Variants in PCDH11X observed in about 807,000 individuals in gnomAD.
PCDH11X encodes the protein protocadherin-11 X-linked.
PCDH11X carries 18 observed loss-of-function variants against 53.3 expected under a neutral mutation model. That is an observed-to-expected ratio of 0.34 (90% CI 0.23 to 0.50). PCDH11X has a LOEUF of 0.50. Ranked by LOEUF, PCDH11X falls within the 20% of genes least tolerant of loss-of-function variation. The pLI is 0.98. For synonymous variants in PCDH11X, 279 were observed against 393.3 expected (o/e 0.71, Z 3.44); for missense variants, 570 against 1,032.4 (o/e 0.55, Z 6.14).
At chrX:92,326,360 G>A (rs1391978965) in intron 8 of PCDH11X, among the ~76,000 whole-genome samples, 2 of 105,491 alleles carry the variant, frequency 1.9e-5, no homozygotes, top group East Asian at 3.1e-4. Context: ...TTATGACCTG[G>A]CATTGAAATT....
chrX:92,303,685 C>T (rs1239293877), intron 8 of PCDH11X, among the ~76,000 whole-genome samples: 6 of 111,744 alleles, frequency 5.4e-5, no homozygotes, highest in Admixed American at 9.5e-5. Flanking sequence ...GTTTAGGAAG[C>T]GATATCTGTC....
intron 10 of PCDH11X, among the ~76,000 whole-genome samples, chrX:92,490,678 T>C (rs1356729933): frequency 9.6e-6 from 1 of 104,597 alleles, no homozygotes; most frequent in Non-Finnish European, 1.9e-5. Context: ...CTCACTATCA[T>C]GCGTGCCCAG....
intron 6 of PCDH11X, among the ~76,000 whole-genome samples, chrX:92,143,130 G>T (rs1299269884): frequency 9.0e-6 from 1 of 111,305 alleles, no homozygotes; most frequent in Non-Finnish European, 1.9e-5. Flanking sequence ...AAGAAAAAAA[G>T]TAGCTAGATG....
chrX:91,823,771 G>A (rs1430576507), intron 4 of PCDH11X, among the ~76,000 whole-genome samples: 1 of 111,168 alleles, frequency 9.0e-6, no homozygotes, highest in Non-Finnish European at 1.9e-5. Context: ...TTCTAGTCTC[G>A]ATAGTCTTTA....
intron 7 of PCDH11X, among the ~76,000 whole-genome samples, chrX:92,211,438 G>A (rs901123284): frequency 1.8e-5 from 2 of 111,867 alleles, no homozygotes; most frequent in African/African-American, 6.5e-5. Context: ...AATTCAACAT[G>A]GGATTTTGGT....
At chrX:92,236,761 G>C (rs189550610) in intron 7 of PCDH11X, among the ~76,000 whole-genome samples, 146 of 111,012 alleles carry the variant, frequency 1.3e-3, no homozygotes, top group Non-Finnish European at 2.2e-3. Context: ...GAAAATATGG[G>C]CATAAATCCT....
At chrX:92,120,124 A>G (rs1201242376) in intron 6 of PCDH11X, among the ~76,000 whole-genome samples, 7 of 107,791 alleles carry the variant, frequency 6.5e-5, no homozygotes, top group African/African-American at 2.4e-4. Context: ...GACTTGTAGA[A>G]TGGAATGGCA....
At position 91,896,250 on chromosome X, in the gene PCDH11X, G is replaced by A. The variant is rs757925694; in HGVS notation, c.3033+16977G>A. Among the ~76,000 whole-genome samples, 1,084 of 109,847 alleles carry A rather than the reference G, an allele frequency of 9.9e-3. 11 individuals carry two copies. The highest frequency in any genetic ancestry group is 0.034 in the African/African-American group (1,026 of 30,120). On this transcript the variant is annotated intron_variant, in intron 6 of 10. Transcript: ENST00000682573. Reference sequence around the variant, plus strand: ...GGTGATTCTCCCACTTCAGCCTCCCGAGTAGCTGGAACTACAGACACGTGC... The same window carrying A: ...GGTGATTCTCCCACTTCAGCCTCCCAAGTAGCTGGAACTACAGACACGTGC...
intron 1 of PCDH11X, among the ~76,000 whole-genome samples, chrX:91,804,618 A>C (rs1244065319): frequency 9.1e-6 from 1 of 110,212 alleles, no homozygotes; most frequent in South Asian, 3.8e-4. Flanking sequence ...TCACTTTATT[A>C]GGTCAGAGAG....
At chrX:91,812,473 C>T (rs762890387) in intron 4 of PCDH11X, among the ~76,000 whole-genome samples, 2 of 111,013 alleles carry the variant, frequency 1.8e-5, no homozygotes, top group East Asian at 5.7e-4. Context: ...ACCTTTCATT[C>T]CTTCAAGTTT....
rs200980402 is a variant in PCDH11X, at chrX:92,451,962, TG to T, written c.3344-16336del. On this transcript the variant is annotated intron_variant, in intron 9 of 10. Coordinates refer to ENST00000682573, the MANE Select transcript of PCDH11X (RefSeq NM_032968.5). ...ATACATCATCATATATTTATTAATC[TG>T]AGGTTATTCATGGAACTGATATGAA... Among the ~76,000 whole-genome samples, 144 of 107,890 alleles carry T rather than the reference TG, an allele frequency of 1.3e-3. 3 individuals carry two copies. The Admixed American group carries it at 0.014, about 11-fold the overall frequency. The allele number at this position is 107,890 out of a possible 115,157, so 93.7% of individuals were successfully genotyped here.
chrX:92,024,726 A>AC (rs2062941435), intron 6 of PCDH11X, among the ~76,000 whole-genome samples: 1 of 108,181 alleles, frequency 9.2e-6, no homozygotes, highest in African/African-American at 3.3e-5. Context: ...AGCAAAAAAA[A>AC]AAAAAAAAAA....
chrX:91,907,412 C>CACACAGAGAGAGAGAGAGAG (rs756926383), intron 6 of PCDH11X, among the ~76,000 whole-genome samples: 2 of 57,469 alleles, frequency 3.5e-5, no homozygotes, highest in African/African-American at 1.5e-4. Context: ...CACACACACA[C>CACACAGAGAGAGAGAGAGAG]AGAGAGAGAG....
intron 6 of PCDH11X, among the ~76,000 whole-genome samples, chrX:92,199,081 A>G (rs984354436): frequency 1.8e-5 from 2 of 112,088 alleles, no homozygotes; most frequent in African/African-American, 6.5e-5. Flanking sequence ...GTGAAACAAC[A>G]TATTTGTACT....
chrX:92,133,389 C>T (rs1157601628), intron 6 of PCDH11X, among the ~76,000 whole-genome samples: 3 of 111,058 alleles, frequency 2.7e-5, no homozygotes, highest in African/African-American at 6.6e-5. Context: ...TTCTTTGAGA[C>T]GGAGTTTACT....
At chrX:92,186,646 A>AG (rs1242949952) in intron 6 of PCDH11X, among the ~76,000 whole-genome samples, 2 of 109,154 alleles carry the variant, frequency 1.8e-5, no homozygotes, top group Non-Finnish European at 3.8e-5. Context: ...AAAAAAAAAA[A>AG]AGAGAATAGT....
At chrX:92,491,470 A>G (rs2073764918) in intron 10 of PCDH11X, among the ~76,000 whole-genome samples, 1 of 110,010 alleles carries the variant, frequency 9.1e-6, no homozygotes, top group African/African-American at 3.3e-5. Flanking sequence ...TCTATATTTA[A>G]GGTGTTCAAC....
At chrX:92,285,706 A>G (rs2068354795) in intron 8 of PCDH11X, among the ~76,000 whole-genome samples, 1 of 111,069 alleles carries the variant, frequency 9.0e-6, no homozygotes, top group Non-Finnish European at 1.9e-5. Flanking sequence ...AATAGCCATT[A>G]ATTAAAGATT....
At chrX:92,157,624 T>C (rs2065561633) in intron 6 of PCDH11X, among the ~76,000 whole-genome samples, 1 of 111,821 alleles carries the variant, frequency 8.9e-6, no homozygotes, top group African/African-American at 3.2e-5. Flanking sequence ...AAATGACATT[T>C]ACATTAAAAT....
Sources: gnomAD v4.1 joint callset for allele counts (sites outside exome capture counted in the v4.1 genomes callset) on GRCh38, gnomAD v4.1.1 for gene constraint, MANE v1.5 for transcripts, NCBI Gene and HGNC (gene_info 2026-07-23, HGNC 2026-07-21) for gene names.